KIRREL3: variants seen among roughly 807,000 people sequenced by gnomAD.
KIRREL3 encodes the protein kirre like nephrin family adhesion molecule 3.
A neutral mutation model predicts 89.7 loss-of-function variants in KIRREL3; 36 were observed. That is an observed-to-expected ratio of 0.40 (90% CI 0.31 to 0.53). The LOEUF (loss-of-function observed/expected upper bound fraction) is 0.53. Ranked by LOEUF, KIRREL3 falls within the 20% of genes least tolerant of loss-of-function variation. KIRREL3 has a pLI of 0.49. For missense variants in KIRREL3, 864 were observed against 1,056.6 expected (o/e 0.82, Z 2.53); for synonymous variants, 445 against 441.4 (o/e 1.01, Z -0.10).
chr11:126,479,268 C>T (rs1275791938), intron 4 of KIRREL3, among the ~76,000 whole-genome samples: 3 of 152,178 alleles, frequency 2.0e-5, no homozygotes, highest in Admixed American at 1.3e-4. Flanking sequence ...CCAGGTTCCC[C>T]GCTGCAGCCC....
intron 1 of KIRREL3, among the ~76,000 whole-genome samples, chr11:126,921,917 T>C (rs187126700): frequency 6.6e-6 from 1 of 152,008 alleles, no homozygotes; most frequent in African/African-American, 2.4e-5. Context: ...TATCTTCCTA[T>C]CTATCTATCC....
In KIRREL3 at chr11:126,551,594, G is replaced by A. The variant is rs924360789; in HGVS notation, c.133+11241C>T. Reference sequence around the variant, plus strand: ...AATATATATGATCATTTAACAATTAGTCCAGTGCACTGTATTGCATGAATG... The same window carrying A: ...AATATATATGATCATTTAACAATTAATCCAGTGCACTGTATTGCATGAATG... On this transcript the variant is annotated intron_variant, in intron 2 of 16. Transcript: ENST00000525144. The surrounding 1 kb of genome is among the most constrained non-coding windows in gnomAD (Gnocchi z 4.9). Among the ~76,000 whole-genome samples, 4 of 151,324 alleles carry A rather than the reference G, an allele frequency of 2.6e-5. No homozygotes were observed. The highest frequency in any genetic ancestry group is 5.9e-5 in the Non-Finnish European group (4 of 67,986).
intron 1 of KIRREL3, among the ~76,000 whole-genome samples, chr11:126,858,529 CCTCT>C (rs146468289): frequency 2.7e-5 from 4 of 150,732 alleles, no homozygotes; most frequent in African/African-American, 2.4e-5. Flanking sequence ...CTCTTTTTCT[CCTCT>C]CTCTCTCTCT....
rs939543296 is a variant in KIRREL3, at chr11:126,867,928, G to A, written c.55+132527C>T. Among the ~76,000 whole-genome samples the A allele has an allele frequency of 1.3e-5, 2 of 152,114 alleles. No individual in the cohort carries two copies. Among genetic ancestry groups the A allele is most frequent in the African/African-American group, 4.8e-5 (2 of 41,410 alleles). On this transcript the variant is annotated intron_variant, in intron 1 of 16. Coordinates refer to ENST00000525144, the MANE Select transcript of KIRREL3 (RefSeq NM_032531.4). This position sits in a 1 kb window ranked among gnomAD's most constrained non-coding sequence, Gnocchi z 4.7. ...ATCCCCTACAGCACCTAACCTCAGA[G>A]CTAGACATGCAATAGGCATTCAATA...
intron 1 of KIRREL3, among the ~76,000 whole-genome samples, chr11:126,932,660 G>A (rs905570922): frequency 1.3e-5 from 2 of 152,198 alleles, no homozygotes; most frequent in African/African-American, 2.4e-5. Context: ...TCTGCTGTGA[G>A]TCCCAGCTCT....
At chr11:126,580,014 T>G (rs1941461540) in intron 1 of KIRREL3, among the ~76,000 whole-genome samples, 1 of 151,784 alleles carries the variant, frequency 6.6e-6, no homozygotes, top group Non-Finnish European at 1.5e-5. Context: ...CCAAGCTAAT[T>G]TTTTGTATTT....
In KIRREL3 at chr11:126,671,027, C is replaced by A. The variant is rs185877914; in HGVS notation, c.56-108115G>T. Among the ~76,000 whole-genome samples, 201 of 152,196 alleles carry A rather than the reference C, an allele frequency of 1.3e-3. 1 individual carries two copies. The highest frequency in any genetic ancestry group is 1.7e-3 in the Non-Finnish European group (118 of 67,996). Reference sequence around the variant, plus strand: ...TAGAGAGCCCAGAAATAGACCCACACAAATAAAGGGACAGTGTTTTCAACA... The same window carrying A: ...TAGAGAGCCCAGAAATAGACCCACAAAAATAAAGGGACAGTGTTTTCAACA... On this transcript the variant is annotated intron_variant, in intron 1 of 16. Coordinates refer to ENST00000525144, the MANE Select transcript of KIRREL3 (RefSeq NM_032531.4).
chr11:126,549,413 G>C (rs1350358608), intron 2 of KIRREL3: 1 of 152,216 alleles, frequency 6.6e-6, no homozygotes, highest in East Asian at 1.9e-4. Flanking sequence ...TGAGCACTCT[G>C]TGGAGGTGGG....
rs12801604 is a variant in KIRREL3 at position 126,484,287 on chromosome 11, G to A, written c.434-10821C>T. 0.15 allele frequency among the ~76,000 whole-genome samples: 22,243 copies of A among 152,092 alleles called. 1,849 individuals carry two copies. The highest frequency in any genetic ancestry group is 0.19 in the Non-Finnish European group (12,998 of 67,980). On this transcript the variant is annotated intron_variant, in intron 4 of 16. Transcript: ENST00000525144. The surrounding 1 kb of genome is among the most constrained non-coding windows in gnomAD (Gnocchi z 5.2). The stretch of plus-strand genomic sequence containing the variant: ...TAGGAGTCCTGGCGCCTCTTTGCCT[G>A]TCTCCCATTGCCTAGTATGTTACCT...
chr11:126,656,026 T>G lies in KIRREL3; in HGVS notation c.56-93114A>C. The G allele has an allele frequency of 2.5e-6, 1 of 399,216 alleles. No individual in the cohort carries two copies. The highest frequency in any genetic ancestry group is 3.9e-4 in the Middle Eastern group (1 of 2,570). The allele number at this position is 399,216 out of a possible 1,614,324, so 24.7% of individuals were successfully genotyped here. A position where few individuals can be genotyped will look rare whatever the true frequency, so the allele number is the denominator to read the frequency against. Reference sequence around the variant, plus strand: ...AGCTAATTAGAATCCTCTAGAAGTGTGTGGAAATGGGAACCTGAGCCAGGA... The same window carrying G: ...AGCTAATTAGAATCCTCTAGAAGTGGGTGGAAATGGGAACCTGAGCCAGGA... On this transcript the variant is annotated intron_variant, in intron 1 of 16. Coordinates refer to ENST00000525144, the MANE Select transcript of KIRREL3 (RefSeq NM_032531.4). The surrounding 1 kb of genome is among the most constrained non-coding windows in gnomAD (Gnocchi z 4.0).
At position 126,645,603 on chromosome 11, in the gene KIRREL3, C is replaced by T. The variant is rs1169490957; in HGVS notation, c.56-82691G>A. ...GCCTTCCACATCTAAATGGAAGCAT[C>T]ATGGCACGAGGTGAAATTCTAGGTT... On this transcript the variant is annotated intron_variant, in intron 1 of 16. Coordinates refer to ENST00000525144, the MANE Select transcript of KIRREL3 (RefSeq NM_032531.4). The surrounding 1 kb of genome is among the most constrained non-coding windows in gnomAD (Gnocchi z 4.9). Among the ~76,000 whole-genome samples, 1 of 152,186 alleles carries T rather than the reference C, an allele frequency of 6.6e-6. No homozygotes were observed. Among genetic ancestry groups the T allele is most frequent in the Non-Finnish European group, 1.5e-5 (1 of 68,040 alleles).
intron 1 of KIRREL3, among the ~76,000 whole-genome samples, chr11:126,893,120 C>T (rs931982869): frequency 9.2e-5 from 14 of 152,198 alleles, no homozygotes; most frequent in Non-Finnish European, 1.3e-4. Context: ...ATTTAGGATT[C>T]ATACAAATAA....
chr11:126,646,330 C>T (rs1383351834), intron 1 of KIRREL3, among the ~76,000 whole-genome samples: 1 of 150,456 alleles, frequency 6.6e-6, no homozygotes, highest in South Asian at 2.1e-4. Context: ...TGCCTTCCTG[C>T]ACTGGGTATC....
In KIRREL3 at chr11:126,424,544, CT is replaced by C. The variant is rs780276695; in HGVS notation, c.*35del. The C allele has an allele frequency of 6.2e-7, 1 of 1,603,222 alleles. No individual in the cohort carries two copies. Among genetic ancestry groups the C allele is most frequent in the South Asian group, 1.1e-5 (1 of 90,412 alleles). On this transcript the variant is annotated 3_prime_UTR_variant, in exon 17 of 17. Coordinates refer to ENST00000525144, the MANE Select transcript of KIRREL3 (RefSeq NM_032531.4). ...GGACAACCAGAACGTGCCCTGACCT[CT>C]TCCCTGGCCCGTCCCCACCCGCGGT...
rs902910033 is a variant in KIRREL3 at position 126,906,356 on chromosome 11, T to C, written c.55+94099A>G. Among the ~76,000 whole-genome samples, 1 of 151,916 alleles carries C rather than the reference T, an allele frequency of 6.6e-6. No individual in the cohort carries two copies. The highest frequency in any genetic ancestry group is 2.4e-5 in the African/African-American group (1 of 41,320). ...AAATAAGCATTAAAAGGTAGGGAGG[T>C]ATTGGGAGAACTGGAATGATCAGTC... On this transcript the variant is annotated intron_variant, in intron 1 of 16. Transcript: ENST00000525144. This position sits in a 1 kb window ranked among gnomAD's most constrained non-coding sequence, Gnocchi z 4.1.
Position 126,605,343 on chromosome 11 carries a change from G to A in KIRREL3, c.56-42431C>T, listed in dbSNP as rs776101615. On this transcript the variant is annotated intron_variant, in intron 1 of 16. Coordinates refer to ENST00000525144, the MANE Select transcript of KIRREL3 (RefSeq NM_032531.4). The surrounding 1 kb of genome is among the most constrained non-coding windows in gnomAD (Gnocchi z 5.7). Reference sequence around the variant, plus strand: ...GTGAGCAGCTTCATCTTCAGGCGTCGGGAGTGGGAGCAATGGAGCACCCAT... The same window carrying A: ...GTGAGCAGCTTCATCTTCAGGCGTCAGGAGTGGGAGCAATGGAGCACCCAT... Among the ~76,000 whole-genome samples, 6 of 152,192 alleles carry A rather than the reference G, an allele frequency of 3.9e-5. No individual in the cohort carries two copies. Among genetic ancestry groups the A allele is most frequent in the Admixed American group, 6.5e-5 (1 of 15,288 alleles).
At chr11:126,937,848 G>A (rs1255338686) in intron 1 of KIRREL3, among the ~76,000 whole-genome samples, 1 of 152,200 alleles carries the variant, frequency 6.6e-6, no homozygotes, top group Non-Finnish European at 1.5e-5. Context: ...GCAGTGAGCA[G>A]GAATTGCACC....
At position 126,723,862 on chromosome 11, in the gene KIRREL3, T is replaced by C. The variant is rs560681693; in HGVS notation, c.56-160950A>G. ...GAGCAACAAAATACTCAAAATACTT[T>C]AAATGAAGGTAAAAACCATCATTGT... On this transcript the variant is annotated intron_variant, in intron 1 of 16. Coordinates refer to ENST00000525144, the MANE Select transcript of KIRREL3 (RefSeq NM_032531.4). The surrounding 1 kb of genome is among the most constrained non-coding windows in gnomAD (Gnocchi z 4.0). 6.6e-6 allele frequency among the ~76,000 whole-genome samples: 1 copy of C among 152,336 alleles called. No homozygotes were observed. Among genetic ancestry groups the C allele is most frequent in the Admixed American group, 6.5e-5 (1 of 15,300 alleles).
chr11:126,638,741 C>T (rs1481448674), intron 1 of KIRREL3, among the ~76,000 whole-genome samples: 1 of 152,090 alleles, frequency 6.6e-6, no homozygotes, highest in East Asian at 1.9e-4. Context: ...AGCTTGAGGG[C>T]TTGAAATTCA....
Sources: allele counts gnomAD v4.1 joint callset (sites outside exome capture counted in the v4.1 genomes callset), GRCh38; gene constraint gnomAD v4.1.1; non-coding constraint Gnocchi (gnomAD v3.1); transcripts MANE v1.5; gene names NCBI Gene and HGNC (gene_info 2026-07-23, HGNC 2026-07-21).